Variants in SEZ6L2 observed in about 807,000 individuals in gnomAD.
The protein encoded by SEZ6L2 is seizure 6-like protein 2.
SEZ6L2 carries 44 observed loss-of-function variants against 97.0 expected under a neutral mutation model. The ratio of observed to expected loss-of-function variants is 0.45; its 90% CI spans 0.36 to 0.58. SEZ6L2 has a LOEUF of 0.58. Ranked by LOEUF, SEZ6L2 falls within the 20% of genes least tolerant of loss-of-function variation. SEZ6L2 has a pLI of 0.00. For missense variants in SEZ6L2, 1,086 were observed against 1,233.3 expected (o/e 0.88, Z 1.79); for synonymous variants, 543 against 546.1 (o/e 0.99, Z 0.08).
intron 5 of SEZ6L2, among the ~76,000 whole-genome samples, chr16:29,890,911 G>C (rs1030708890): frequency 2.0e-5 from 3 of 150,942 alleles, no homozygotes; most frequent in African/African-American, 7.3e-5. Context: ...ACGACTCCTG[G>C]CTAATTTTGG....
rs752782087 is a variant in SEZ6L2 at position 29,895,331 on chromosome 16, T to C, written c.781A>G (p.Thr261Ala). The C allele has an allele frequency of 3.1e-6, 5 of 1,613,958 alleles. No individual in the cohort carries two copies. Among genetic ancestry groups the C allele is most frequent in the Admixed American group, 3.3e-5 (2 of 59,968 alleles). The change falls in exon 5 of 18, where the codon ACC becomes GCC. Residue 261 changes from threonine (T) to alanine (A), a missense_variant. Thr to Ala is a moderately conservative substitution (Grantham distance 58). Transcript: ENST00000617533. ...LGEGQVLRSP[T>A]NRLLLHFQSP... ...TGGAAGTGCAGAAGCAGCCGGTTGGTTGGGCTCCGAAGGACTTGTCCTTCT... is the reference window on the plus strand; with the variant it reads ...TGGAAGTGCAGAAGCAGCCGGTTGGCTGGGCTCCGAAGGACTTGTCCTTCT...
rs1220857965 is a variant in SEZ6L2 at position 29,876,967 on chromosome 16, G to T, written c.1910-17C>A. On this transcript the variant is annotated splice_polypyrimidine_tract_variant and intron_variant, in intron 11 of 17. Coordinates refer to ENST00000617533, the MANE Select transcript of SEZ6L2 (RefSeq NM_001243332.2). The surrounding 1 kb of genome is among the most constrained non-coding windows in gnomAD (Gnocchi z 6.5). ...TCGGGACCTCTGCAGGGGAGGGAAG[G>T]CGAGTTTGGAGGCTGCGTTTTAACT... 1 of 1,584,922 alleles carries T rather than the reference G, an allele frequency of 6.3e-7. No individual in the cohort carries two copies. The highest frequency in any genetic ancestry group is 8.6e-7 in the Non-Finnish European group (1 of 1,160,518).
At chr16:29,880,823 G>A (rs535877548) in intron 8 of SEZ6L2, among the ~76,000 whole-genome samples, 2 of 151,930 alleles carry the variant, frequency 1.3e-5, no homozygotes, top group South Asian at 2.1e-4. Flanking sequence ...GTGCAGTGGT[G>A]TGATCACAGC....
In SEZ6L2 at chr16:29,873,058, C is replaced by T. The variant is rs1025594166; in HGVS notation, c.2488+182G>A. ...AGGCCCCCTCTACTACACCCCTGAGCCAATCCCATGACCTCACACGACCCA... is the reference window on the plus strand; with the variant it reads ...AGGCCCCCTCTACTACACCCCTGAGTCAATCCCATGACCTCACACGACCCA... On this transcript the variant is annotated intron_variant, in intron 14 of 17. Transcript: ENST00000617533. The surrounding 1 kb of genome is among the most constrained non-coding windows in gnomAD (Gnocchi z 4.3). 6.6e-6 allele frequency among the ~76,000 whole-genome samples: 1 copy of T among 152,218 alleles called. No homozygotes were observed. Among genetic ancestry groups the T allele is most frequent in the Admixed American group, 6.5e-5 (1 of 15,278 alleles).
Position 29,896,999 on chromosome 16 carries a change from C to G in SEZ6L2, c.334G>C (p.Val112Leu). ...GGCGCAGTGGGGCCTGCCCCCCTGACCCCGTTAGGGGTGACGGCTGTTGTC... is the reference window on the plus strand; with the variant it reads ...GGCGCAGTGGGGCCTGCCCCCCTGAGCCCGTTAGGGGTGACGGCTGTTGTC... ...PLTTAVTPNGVRGAGPTAPEL... is the reference protein window; with the variant it reads ...PLTTAVTPNGLRGAGPTAPEL... Residue 112 changes from valine to leucine, a missense_variant, in exon 3 of 18, where the codon GTC becomes CTC. Val to Leu is a conservative substitution (Grantham distance 32). Around this residue, in one of 2 missense-constraint regions of SEZ6L2, gnomAD observed 776 missense variants for 794.7 expected, o/e 0.98. Coordinates refer to ENST00000617533, the MANE Select transcript of SEZ6L2 (RefSeq NM_001243332.2). 1 of 1,587,506 alleles carries G rather than the reference C, an allele frequency of 6.3e-7. No homozygotes were observed. Among genetic ancestry groups the G allele is most frequent in the Non-Finnish European group, 8.5e-7 (1 of 1,170,258 alleles).
chr16:29,886,998 A>C (rs556741263), intron 7 of SEZ6L2, among the ~76,000 whole-genome samples: 2 of 151,930 alleles, frequency 1.3e-5, no homozygotes, highest in Non-Finnish European at 2.9e-5. Flanking sequence ...CCTGACCAAC[A>C]TGGAGAAACT....
Position 29,872,431 on chromosome 16 carries a change from C to A in SEZ6L2, c.2623G>T (p.Gly875Cys). 2.5e-6 allele frequency: 4 copies of A among 1,614,214 alleles called. No individual in the cohort carries two copies. Among genetic ancestry groups the A allele is most frequent in the Non-Finnish European group, 3.4e-6 (4 of 1,180,024 alleles). ...TACTTGGTGTAGTAGATGTAAACGC[C>A]ACTGCCGAGGACAATGACCAAGCCT... The part of the protein sequence containing the change: ...PLGLVIVLGS[G>C]VYIYYTKLQG... The change falls in exon 16 of 18, where the codon GGC (glycine) becomes TGC (cysteine). Residue 875 changes from glycine to cysteine, a missense_variant. Transcript: ENST00000617533.
chr16:29,882,173 G>A (rs1322714253), intron 8 of SEZ6L2, among the ~76,000 whole-genome samples: 1 of 151,690 alleles, frequency 6.6e-6, no homozygotes, highest in Non-Finnish European at 1.5e-5. Context: ...GCTTTGCCAT[G>A]TTGCCTAGGC....
chr16:29,883,258 G>A (rs137976252), intron 8 of SEZ6L2, among the ~76,000 whole-genome samples: 87 of 151,910 alleles, frequency 5.7e-4, no homozygotes, highest in African/African-American at 1.9e-3. Flanking sequence ...AGACATACCA[G>A]GCATTTCCCT....
Position 29,888,830 on chromosome 16 carries a change from G to C in SEZ6L2, c.854-105C>G, listed in dbSNP as rs562350846. On this transcript the variant is annotated intron_variant, in intron 5 of 17. Transcript: ENST00000617533. ...TCTCCTTTCAGGCCAACCTTCCAGGGGCACACACTGGCTCCATACTGGCGT... is the reference window on the plus strand; with the variant it reads ...TCTCCTTTCAGGCCAACCTTCCAGGCGCACACACTGGCTCCATACTGGCGT... 1.5e-5 allele frequency: 14 copies of C among 963,572 alleles called. No individual in the cohort carries two copies. In the South Asian group the frequency reaches 2.4e-4, roughly 16 times the overall value. The allele number at this position is 963,572 out of a possible 1,614,324, so 59.7% of individuals were successfully genotyped here.
intron 9 of SEZ6L2, 32 bp from the exon 10 acceptor site, chr16:29,878,457 C>A: frequency 1.9e-6 from 3 of 1,561,884 alleles, no homozygotes; most frequent in Non-Finnish European, 2.6e-6. Flanking sequence ...GTTCAGGACC[C>A]AGGTGGGCAT....
intron 5 of SEZ6L2, among the ~76,000 whole-genome samples, chr16:29,890,769 G>C (rs1455153715): frequency 4.3e-5 from 1 of 23,446 alleles, no homozygotes; most frequent in African/African-American, 1.5e-4. Context: ...TTTTTTTTTT[G>C]AGAGGGTCTC....
intron 12 of SEZ6L2, among the ~76,000 whole-genome samples, chr16:29,874,074 C>T (rs2067847291): frequency 6.6e-6 from 1 of 152,154 alleles, no homozygotes; most frequent in Non-Finnish European, 1.5e-5. Context: ...CACTTCCCAC[C>T]AATTCCTCAG....
chr16:29,895,731 A>G lies in SEZ6L2; in HGVS notation c.641T>C (p.Ile214Thr), dbSNP rs768974321. The change falls in exon 4 of 18, where the codon ATT becomes ACT. Residue 214 changes from isoleucine (I) to threonine (T), a missense_variant. Ile to Thr is a moderately conservative substitution (Grantham distance 89). Transcript: ENST00000617533. ...YSIHVYPGYG[I>T]EIQVQTLNLS... ...CTTTGGTCCAGTTACCTGGATCTCA[A>G]TGCCGTAGCCAGGGTAGACATGGAT... is the stretch of plus-strand genomic sequence containing the variant. 6.8e-6 allele frequency: 11 copies of G among 1,612,940 alleles called. No individual in the cohort carries two copies. The African/African-American group carries it at 9.4e-5, about 14-fold the overall frequency.
At chr16:29,887,871 C>G in intron 6 of SEZ6L2, 54 bp from the exon 7 acceptor site, 1 of 1,581,240 alleles carries the variant, frequency 6.3e-7, no homozygotes, top group Non-Finnish European at 8.6e-7. Flanking sequence ...CTGTCCTTCT[C>G]CTCGGGGCCT....
At position 29,897,103 on chromosome 16, in the gene SEZ6L2, G is replaced by A. The variant is rs758972719; in HGVS notation, c.230C>T (p.Thr77Met). Residue 77 changes from threonine (T) to methionine (M), a missense_variant, in exon 3 of 18, where the codon ACG (threonine) becomes ATG (methionine). Coordinates refer to ENST00000617533, the MANE Select transcript of SEZ6L2 (RefSeq NM_001243332.2). ...GYLPGSDRDPTLATPPAGQTL... is the reference protein window; with the variant it reads ...GYLPGSDRDPMLATPPAGQTL... ...CTGGCCGGCCGGAGGGGTGGCTAGC[G>A]TGGGGTCCCGATCAGATCCTGGGAC... The A allele has an allele frequency of 2.7e-5, 42 of 1,576,878 alleles. No homozygotes were observed. The highest frequency in any genetic ancestry group is 3.5e-5 in the Admixed American group (2 of 57,874).
Position 29,879,902 on chromosome 16 carries a change from G to C in SEZ6L2, c.1535C>G (p.Thr512Arg), listed in dbSNP as rs1235793279. The change falls in exon 9 of 18, where the codon ACA (threonine) becomes AGA (arginine). Residue 512 changes from threonine (T) to arginine (R), a missense_variant. By Grantham distance (71) the Thr-to-Arg change is moderately conservative. This residue lies in a region of SEZ6L2 where 776 missense variants were observed against 794.7 expected (regional missense o/e 0.98). Transcript: ENST00000617533. ...PPNAIECVDPTEPHWNDTEPA... is the reference protein window; with the variant it reads ...PPNAIECVDPREPHWNDTEPA... Reference sequence around the variant, plus strand: ...CTCTGTGTCGTTCCAGTGGGGTTCTGTGGGATCCACACATTCGATGGCATT... The same window carrying C: ...CTCTGTGTCGTTCCAGTGGGGTTCTCTGGGATCCACACATTCGATGGCATT... The C allele has an allele frequency of 6.2e-7, 1 of 1,613,232 alleles. No individual in the cohort carries two copies. Among genetic ancestry groups the C allele is most frequent in the Admixed American group, 1.7e-5 (1 of 59,926 alleles).
chr16:29,884,507 G>T (rs1384854966), intron 8 of SEZ6L2, among the ~76,000 whole-genome samples: 1 of 151,778 alleles, frequency 6.6e-6, no homozygotes, highest in Non-Finnish European at 1.5e-5. Flanking sequence ...AATGAGAATC[G>T]CTTGAACCTG....
At chr16:29,886,683 A>C (rs954799551) in intron 7 of SEZ6L2, among the ~76,000 whole-genome samples, 2 of 149,174 alleles carry the variant, frequency 1.3e-5, no homozygotes, top group Non-Finnish European at 3.0e-5. Flanking sequence ...TCCATCTTAA[A>C]AAAAAAAAAA....
Sources: gnomAD v4.1 joint callset for allele counts (sites outside exome capture counted in the v4.1 genomes callset) on GRCh38, gnomAD v4.1.1 for gene constraint, gnomAD v4.1.1 regional missense constraint, Gnocchi (gnomAD v3.1) non-coding constraint, MANE v1.5 for transcripts, NCBI Gene and HGNC (gene_info 2026-07-23, HGNC 2026-07-21) for gene names.